Variants in USP13 observed in about 807,000 individuals in gnomAD.
USP13 encodes the protein ubiquitin specific peptidase 13.
A neutral mutation model predicts 107.8 loss-of-function variants in USP13; 68 were observed. The ratio of observed to expected loss-of-function variants is 0.63; its 90% confidence interval spans 0.52 to 0.77. USP13 has a LOEUF of 0.77. USP13 is among the 30% of genes least tolerant of loss of function. USP13 has a pLI of 0.00. For synonymous variants in USP13, 377 were observed against 389.5 expected (o/e 0.97, Z 0.38); for missense variants, 945 against 1,093.3 (o/e 0.86, Z 1.91).
At chr3:179,740,155 G>A (rs540387309) in intron 10 of USP13, 92 bp from the exon 11 acceptor site, 9 of 1,548,430 alleles carry the variant, frequency 5.8e-6, no homozygotes, top group Admixed American at 3.6e-5. Context: ...CATCTGGAAA[G>A]TGGAGTTTAT....
intron 1 of USP13, among the ~76,000 whole-genome samples, chr3:179,668,319 T>C (rs1232580534): frequency 6.6e-6 from 1 of 152,100 alleles, no homozygotes; most frequent in Non-Finnish European, 1.5e-5. Context: ...TATTTCTGGT[T>C]TTTTCTTAAC....
At chr3:179,770,540 T>C (rs143424544) in intron 19 of USP13, among the ~76,000 whole-genome samples, 101 of 152,334 alleles carry the variant, frequency 6.6e-4, no homozygotes, top group Admixed American at 1.6e-3. Flanking sequence ...AGCTAGGTTG[T>C]TTAAATTCCC....
At chr3:179,659,103 C>T (rs144053756) in intron 1 of USP13, among the ~76,000 whole-genome samples, 8 of 152,220 alleles carry the variant, frequency 5.3e-5, no homozygotes, top group East Asian at 3.9e-4. Context: ...TGAGATGGCT[C>T]GGTGATATTG....
At chr3:179,744,072 A>G (rs150488499) in intron 12 of USP13, among the ~76,000 whole-genome samples, 1 of 152,102 alleles carries the variant, frequency 6.6e-6, no homozygotes, top group African/African-American at 2.4e-5. Context: ...GTATTTAATC[A>G]TTTGAGTAGG....
chr3:179,756,491 C>T (rs1308615234), intron 15 of USP13, among the ~76,000 whole-genome samples: 1 of 152,184 alleles, frequency 6.6e-6, no homozygotes, highest in Non-Finnish European at 1.5e-5. Flanking sequence ...TGCCTGTAAT[C>T]CCAGCCCTTT....
At chr3:179,759,505 A>T (rs912251294) in intron 16 of USP13, among the ~76,000 whole-genome samples, 5 of 152,138 alleles carry the variant, frequency 3.3e-5, no homozygotes, top group Non-Finnish European at 7.4e-5. Context: ...AGGTTTAAAA[A>T]CTTATCTGAT....
At chr3:179,736,538 A>G (rs1714002943) in intron 10 of USP13, among the ~76,000 whole-genome samples, 1 of 152,262 alleles carries the variant, frequency 6.6e-6, no homozygotes. Context: ...GGTCTGCAGC[A>G]TGATGTGAAG....
At chr3:179,710,605 G>T (rs1206316025) in intron 6 of USP13, among the ~76,000 whole-genome samples, 1 of 152,154 alleles carries the variant, frequency 6.6e-6, no homozygotes, top group Non-Finnish European at 1.5e-5. Context: ...TTTGTTAATT[G>T]AACCAACTGG....
chr3:179,653,513 C>G lies in USP13; in HGVS notation c.168+120C>G. 7.4e-7 allele frequency: 1 copy of G among 1,347,052 alleles called. No homozygotes were observed. The highest frequency in any genetic ancestry group is 1.0e-6 in the Non-Finnish European group (1 of 994,886). 83.4% of individuals were successfully genotyped at this position (1,347,052 alleles called of 1,614,324 possible). On this transcript the variant is annotated intron_variant, in intron 1 of 20. Coordinates refer to ENST00000263966, the MANE Select transcript of USP13 (RefSeq NM_003940.3). The surrounding 1 kb of genome is among the most constrained non-coding windows in gnomAD (Gnocchi z 4.0). ...CTCTTCCTCCGGGCGGCAGAGTTGG[C>G]TCAGGAACACTGCAGTTCGGCAGAC...
intron 6 of USP13, among the ~76,000 whole-genome samples, chr3:179,716,244 G>T (rs28495971): frequency 0.036 from 5,409 of 151,934 alleles, 340 homozygotes; most frequent in African/African-American, 0.12. Flanking sequence ...TTAACACAAG[G>T]ACTTGCTGAG....
chr3:179,687,659 CAAAAAAAAAAAAA>C (rs71182509), intron 2 of USP13, among the ~76,000 whole-genome samples: 23 of 18,516 alleles, frequency 1.2e-3, no homozygotes, highest in African/African-American at 2.3e-3. Flanking sequence ...AACTCTGTCT[CAAAAAAAAAAAAA>C]AAAAAAAAAA....
chr3:179,702,517 C>T (rs1274841748), intron 4 of USP13, among the ~76,000 whole-genome samples: 1 of 152,182 alleles, frequency 6.6e-6, no homozygotes, highest in Admixed American at 6.5e-5. Context: ...TCTCTGTAGC[C>T]ATCTGCTCAC....
At chr3:179,748,759 C>G (rs1284435327) in intron 13 of USP13, among the ~76,000 whole-genome samples, 1 of 152,124 alleles carries the variant, frequency 6.6e-6, no homozygotes, top group Non-Finnish European at 1.5e-5. Flanking sequence ...AAGAGAAAAG[C>G]ATAGTGTGGG....
At position 179,681,874 on chromosome 3, in the gene USP13, C is replaced by G; in HGVS notation, c.169-4C>G. The G allele has an allele frequency of 6.2e-7, 1 of 1,610,066 alleles. No individual in the cohort carries two copies. The highest frequency in any genetic ancestry group is 8.5e-7 in the Non-Finnish European group (1 of 1,177,906). On this transcript the variant is annotated splice_polypyrimidine_tract_variant and splice_region_variant and intron_variant, in intron 1 of 20. Coordinates refer to ENST00000263966, the MANE Select transcript of USP13 (RefSeq NM_003940.3). ...GGCTAATGTACTTTTTCTCTTTCTT[C>G]TAGAATTCTGAAGGTGGACTCTATG... is the stretch of plus-strand genomic sequence containing the variant.
At position 179,653,687 on chromosome 3, in the gene USP13, T is replaced by C. The variant is rs1436997920; in HGVS notation, c.168+294T>C. 1.3e-5 allele frequency: 5 copies of C among 371,746 alleles called. No homozygotes were observed. In the East Asian group the frequency reaches 2.9e-4, roughly 22 times the overall value. The allele number at this position is 371,746 out of a possible 1,614,324, so 23.0% of individuals were successfully genotyped here. A position where few individuals can be genotyped will look rare whatever the true frequency, so the allele number is the denominator to read the frequency against. ...TTTAAAGATAGATGAAATACAAGAG[T>C]TCCCTGTTCCGAACTGCACGTTGCA... On this transcript the variant is annotated intron_variant, in intron 1 of 20. Coordinates refer to ENST00000263966, the MANE Select transcript of USP13 (RefSeq NM_003940.3). The surrounding 1 kb of genome is among the most constrained non-coding windows in gnomAD (Gnocchi z 4.0).
At chr3:179,658,727 G>T (rs972430673) in intron 1 of USP13, among the ~76,000 whole-genome samples, 2 of 152,078 alleles carry the variant, frequency 1.3e-5, no homozygotes, top group Non-Finnish European at 2.9e-5. Context: ...TGGAGCTGGG[G>T]AGAGTACTGT....
intron 2 of USP13, among the ~76,000 whole-genome samples, chr3:179,686,402 T>C (rs1466770541): frequency 2.0e-5 from 3 of 152,132 alleles, no homozygotes; most frequent in African/African-American, 4.8e-5. Flanking sequence ...GGCAACATAG[T>C]GAGACTCCGT....
chr3:179,665,425 A>G (rs986191742), intron 1 of USP13, among the ~76,000 whole-genome samples: 3 of 152,148 alleles, frequency 2.0e-5, no homozygotes, highest in Non-Finnish European at 4.4e-5. Context: ...CTTACATGTT[A>G]TAGTTACGAT....
At chr3:179,719,849 C>T in intron 6 of USP13, 91 bp from the exon 7 acceptor site, 3 of 1,031,822 alleles carry the variant, frequency 2.9e-6, no homozygotes, top group East Asian at 2.5e-5. Flanking sequence ...ATAGCCCAAG[C>T]CTGGTGTACA....
Sources: gnomAD v4.1 joint callset for allele counts (sites outside exome capture counted in the v4.1 genomes callset) on GRCh38, gnomAD v4.1.1 for gene constraint, Gnocchi (gnomAD v3.1) non-coding constraint, MANE v1.5 for transcripts, NCBI Gene and HGNC (gene_info 2026-07-23, HGNC 2026-07-21) for gene names.